Variants in CDH2 observed in about 807,000 individuals in gnomAD.
CDH2 encodes the protein cadherin-2.
In CDH2, 17 loss-of-function variants were observed where a neutral mutation model predicts 92.0. The ratio of observed to expected loss-of-function variants is 0.18; its 90% confidence interval spans 0.13 to 0.28. The LOEUF (loss-of-function observed/expected upper bound fraction) is 0.28, where lower values mean the gene tolerates loss of function less well. Ranked by LOEUF, CDH2 falls within the 10% of genes least tolerant of loss-of-function variation. The pLI is 1.00. For missense variants in CDH2, 862 were observed against 1,133.1 expected, an observed-to-expected ratio of 0.76 and a Z score of 3.44; for synonymous variants, 419 against 415.9, an observed-to-expected ratio of 1.01 and a Z score of -0.09.
At chr18:28,149,656 G>C (rs1318710736) in intron 1 of CDH2, among the ~76,000 whole-genome samples, 2 of 152,096 alleles carry the variant, frequency 1.3e-5, no homozygotes, top group Non-Finnish European at 2.9e-5. Flanking sequence ...AGAAGAAAAG[G>C]AAAACAGCAT....
intron 2 of CDH2, among the ~76,000 whole-genome samples, chr18:28,021,354 G>A (rs190810116): frequency 2.6e-5 from 4 of 151,774 alleles, no homozygotes; most frequent in Admixed American, 2.6e-4. Flanking sequence ...AGAAACTCCA[G>A]AATATCATAA....
chr18:27,977,251 T>C, intron 14 of CDH2, among the ~76,000 whole-genome samples: 1 of 152,194 alleles, frequency 6.6e-6, no homozygotes. Context: ...GTTTCAAATA[T>C]GGGCCCAACC....
intron 11 of CDH2, among the ~76,000 whole-genome samples, chr18:27,986,520 G>A (rs1050370394): frequency 6.6e-6 from 1 of 152,122 alleles, no homozygotes; most frequent in African/African-American, 2.4e-5. Context: ...CACTTTGTGT[G>A]ATAATTTAAT....
intron 2 of CDH2, among the ~76,000 whole-genome samples, chr18:28,094,792 T>TTAA (rs765195383): frequency 1.3e-4 from 11 of 82,384 alleles, no homozygotes; most frequent in Non-Finnish European, 1.8e-4. Context: ...AGACTCTGTC[T>TTAA]AAAAAAAAAA....
At chr18:28,088,238 G>T (rs1191792341) in intron 2 of CDH2, among the ~76,000 whole-genome samples, 1 of 151,990 alleles carries the variant, frequency 6.6e-6, no homozygotes, top group Non-Finnish European at 1.5e-5. Context: ...CTTTTCTTGG[G>T]GAAGGAATAT....
At position 27,938,205 on chromosome 18, in the gene CDH2, G is replaced by A. The variant is rs17467837; in HGVS notation, c.1152-5081C>T. On this transcript the variant is annotated intron_variant, in intron 6 of 6. Transcript: ENST00000675173. ...ATTGTAAGTTTTCTGAGGCCTCCCCGGAAGCCAAACAGATGCCAGCATTAT... is the reference window on the plus strand; with the variant it reads ...ATTGTAAGTTTTCTGAGGCCTCCCCAGAAGCCAAACAGATGCCAGCATTAT... Among the ~76,000 whole-genome samples the A allele has an allele frequency of 3.0e-3, 452 of 151,888 alleles. 10 individuals carry two copies. Among genetic ancestry groups the A allele is most frequent in the Non-Finnish European group, 4.3e-3 (294 of 67,936 alleles).
chr18:28,147,082 T>G (rs1311424534), intron 2 of CDH2, among the ~76,000 whole-genome samples: 2 of 152,130 alleles, frequency 1.3e-5, no homozygotes, highest in African/African-American at 2.4e-5. Context: ...TTGATCCATA[T>G]TTAAATGGGA....
At chr18:28,029,572 T>C (rs532809278) in intron 2 of CDH2, among the ~76,000 whole-genome samples, 1 of 152,226 alleles carries the variant, frequency 6.6e-6, no homozygotes, top group South Asian at 2.1e-4. Context: ...CTGACAATAA[T>C]AATCCTTATT....
At position 27,991,057 on chromosome 18, in the gene CDH2, T is replaced by A. The variant is rs45569136; in HGVS notation, c.1345-707A>T. 4.0e-3 allele frequency among the ~76,000 whole-genome samples: 611 copies of A among 152,270 alleles called. 1 individual carries two copies. The highest frequency in any genetic ancestry group is 7.9e-3 in the Non-Finnish European group (535 of 68,018). ...ATTTAAGAAAAACACTCTAGATAAA[T>A]GCAATGCACAAATAACCCTTCATGT... On this transcript the variant is annotated intron_variant, in intron 9 of 15. Transcript: ENST00000269141.
chr18:28,034,018 T>C (rs906610994), intron 2 of CDH2, among the ~76,000 whole-genome samples: 11 of 152,072 alleles, frequency 7.2e-5, no homozygotes, highest in African/African-American at 1.9e-4. Context: ...ACTATACTTT[T>C]CTTTAAATTG....
chr18:28,135,809 A>T (rs1860642), intron 2 of CDH2, among the ~76,000 whole-genome samples: 1 of 152,050 alleles, frequency 6.6e-6, no homozygotes, highest in Non-Finnish European at 1.5e-5. Context: ...CATTTCATTA[A>T]GGTGGTCCAT....
At chr18:27,961,059 G>GAC (rs757502093) in intron 15 of CDH2, among the ~76,000 whole-genome samples, 7 of 151,148 alleles carry the variant, frequency 4.6e-5, no homozygotes, top group Admixed American at 2.6e-4. Flanking sequence ...CATAGACATA[G>GAC]ACACACACAC....
At chr18:28,174,556 A>T (rs1228341591) in intron 1 of CDH2, among the ~76,000 whole-genome samples, 1 of 152,228 alleles carries the variant, frequency 6.6e-6, no homozygotes, top group African/African-American at 2.4e-5. Flanking sequence ...CTGAAGGTTT[A>T]AAAAAGTCAA....
chr18:28,043,610 C>T (rs1456329847), intron 2 of CDH2, among the ~76,000 whole-genome samples: 2 of 149,130 alleles, frequency 1.3e-5, no homozygotes, highest in African/African-American at 2.5e-5. Flanking sequence ...AGTTTTCTTC[C>T]ATTACATCTA....
Position 27,958,549 on chromosome 18 carries a change from G to A in CDH2, c.2514+4808C>T, listed in dbSNP as rs561274135. Reference sequence around the variant, plus strand: ...TTTGTATATACACATATATAAATACGTGTATATTTATATATGTGTATATTT... The same window carrying A: ...TTTGTATATACACATATATAAATACATGTATATTTATATATGTGTATATTT... On this transcript the variant is annotated intron_variant, in intron 15 of 15. Transcript: ENST00000269141. Among the ~76,000 whole-genome samples, 23 of 148,204 alleles carry A rather than the reference G, an allele frequency of 1.6e-4. No individual in the cohort carries two copies. The East Asian group carries it at 2.8e-3, about 18-fold the overall frequency.
At chr18:28,176,282 G>A (rs2016539794) in intron 1 of CDH2, among the ~76,000 whole-genome samples, 2 of 152,196 alleles carry the variant, frequency 1.3e-5, no homozygotes, top group Admixed American at 1.3e-4. Context: ...GATACTAGGC[G>A]TGAGAGGCCA....
chr18:28,094,486 C>T (rs1416816387), intron 2 of CDH2, among the ~76,000 whole-genome samples: 1 of 147,208 alleles, frequency 6.8e-6, no homozygotes, highest in Non-Finnish European at 1.5e-5. Flanking sequence ...AGACTCTGTC[C>T]TTAAAAAAAC....
intron 2 of CDH2, among the ~76,000 whole-genome samples, chr18:28,021,063 AT>A (rs1412299598): frequency 2.0e-5 from 3 of 151,952 alleles, no homozygotes; most frequent in African/African-American, 7.2e-5. Flanking sequence ...CGTTGTCAAT[AT>A]CCCCAATCTC....
intron 2 of CDH2, chr18:28,146,820 A>T (rs1393346498): frequency 1.3e-5 from 2 of 152,158 alleles, no homozygotes; most frequent in Non-Finnish European, 2.9e-5. Context: ...AAACAGCCTC[A>T]GAGATATGCA....
Sources: gnomAD v4.1 joint callset for allele counts (sites outside exome capture counted in the v4.1 genomes callset) on GRCh38, gnomAD v4.1.1 for gene constraint, MANE v1.5 for transcripts, NCBI Gene and HGNC (gene_info 2026-07-23, HGNC 2026-07-21) for gene names.